The following UNC5C variants were observed in gnomAD, a reference collection of about 807,000 sequenced individuals.
UNC5C encodes the protein netrin receptor UNC5C.
UNC5C carries 47 observed loss-of-function variants against 99.8 expected under a neutral mutation model. The observed-to-expected ratio is 0.47, with a 90% CI of 0.37 to 0.60. The LOEUF (loss-of-function observed/expected upper bound fraction) is 0.60. Among genes scored for constraint, UNC5C ranks in the 20% least tolerant of loss-of-function variants. The probability of loss-of-function intolerance (pLI) is 0.00; values close to 1 mark genes in which losing one functional copy is unlikely to be tolerated. For missense variants in UNC5C, 1,062 were observed against 1,165.9 expected (o/e 0.91, Z 1.30); for synonymous variants, 487 against 452.2 (o/e 1.08, Z -0.98).
At chr4:95,487,500 A>G (rs1466773026) in intron 1 of UNC5C, among the ~76,000 whole-genome samples, 22 of 125,286 alleles carry the variant, frequency 1.8e-4, no homozygotes, top group African/African-American at 7.4e-4. Flanking sequence ...TAAAATCATC[A>G]ATCAAAATAA....
rs1016604244 is a variant in UNC5C, at chr4:95,548,800, G to C, written c.58C>G (p.Leu20Val). The change falls in exon 1 of 16, where the codon CTG becomes GTG. Residue 20 changes from leucine to valine, a missense_variant. By Grantham distance (32) the Leu-to-Val change is conservative (BLOSUM62 1). This residue lies in a region of UNC5C where 249 missense variants were observed against 295.1 expected (regional missense o/e 0.84). Coordinates refer to ENST00000453304, the MANE Select transcript of UNC5C (RefSeq NM_003728.4). ...ARCGLGLGYL[L>V]QMLVLPALAL... is the part of the protein sequence containing the mutation. ...AGGGCAGGTAGCACGAGCATTTGCA[G>C]CAAGTATCCCAGTCCCAGTCCGCAG... The C allele has an allele frequency of 6.2e-7, 1 of 1,613,424 alleles. No individual in the cohort carries two copies. Among genetic ancestry groups the C allele is most frequent in the African/African-American group, 1.3e-5 (1 of 74,872 alleles).
At chr4:95,193,779 C>T (rs1249658239) in intron 12 of UNC5C, among the ~76,000 whole-genome samples, 1 of 152,164 alleles carries the variant, frequency 6.6e-6, no homozygotes. Flanking sequence ...GCTGTCAGCC[C>T]CCCATGCTCT....
chr4:95,266,202 G>T (rs1740441411), intron 4 of UNC5C, among the ~76,000 whole-genome samples: 1 of 152,174 alleles, frequency 6.6e-6, no homozygotes, highest in Non-Finnish European at 1.5e-5. Context: ...TCCCAGTGAG[G>T]AAAGTGTCGT....
chr4:95,268,586 C>A (rs1223237007), intron 4 of UNC5C, among the ~76,000 whole-genome samples: 6 of 152,118 alleles, frequency 3.9e-5, no homozygotes, highest in African/African-American at 1.4e-4. Context: ...TAATAGAGAG[C>A]AAAACATCTT....
intron 4 of UNC5C, among the ~76,000 whole-genome samples, chr4:95,270,855 A>G (rs1189951406): frequency 4.6e-5 from 7 of 152,238 alleles, no homozygotes; most frequent in African/African-American, 1.7e-4. Context: ...ATCTGTAGCT[A>G]GTTCCTAACC....
chr4:95,331,054 A>G (rs1743091414), intron 2 of UNC5C, among the ~76,000 whole-genome samples: 1 of 152,126 alleles, frequency 6.6e-6, no homozygotes, highest in South Asian at 2.1e-4. Context: ...ACAAGTGAGA[A>G]TATGTGGCAT....
At chr4:95,261,486 A>C (rs1229802682) in intron 4 of UNC5C, among the ~76,000 whole-genome samples, 3 of 152,222 alleles carry the variant, frequency 2.0e-5, no homozygotes, top group Admixed American at 2.0e-4. Context: ...CTTCACATGT[A>C]AATGACCTGG....
chr4:95,353,841 T>C (rs934302832), intron 1 of UNC5C, among the ~76,000 whole-genome samples: 2 of 152,148 alleles, frequency 1.3e-5, no homozygotes, highest in African/African-American at 4.8e-5. Flanking sequence ...AAAACTCTAA[T>C]TTAAGATTTT....
chr4:95,526,862 T>C (rs1340151829), intron 1 of UNC5C, among the ~76,000 whole-genome samples: 1 of 151,894 alleles, frequency 6.6e-6, no homozygotes, highest in Non-Finnish European at 1.5e-5. Flanking sequence ...AAAGTAACAA[T>C]AAAAACACAA....
intron 3 of UNC5C, among the ~76,000 whole-genome samples, chr4:95,291,891 A>T (rs989797090): frequency 6.6e-6 from 1 of 152,216 alleles, no homozygotes; most frequent in East Asian, 1.9e-4. Flanking sequence ...TATACAAGGT[A>T]TCATACTACA....
chr4:95,243,058 C>T (rs1739383470), intron 6 of UNC5C, among the ~76,000 whole-genome samples: 1 of 152,182 alleles, frequency 6.6e-6, no homozygotes, highest in African/African-American at 2.4e-5. Context: ...TCCAACCTTC[C>T]ATTCATTCAT....
rs762268473 is a variant in UNC5C at position 95,218,934 on chromosome 4, G to C, written c.1645+35C>G. The C allele has an allele frequency of 2.0e-5, 30 of 1,534,504 alleles. 1 individual carries two copies. In the South Asian group the frequency reaches 2.9e-4, roughly 15 times the overall value. On this transcript the variant is annotated intron_variant, in intron 9 of 15. Transcript: ENST00000453304. ...TTTGGTATGGAAAAATATGTTTCAA[G>C]CTGCCTCTTTGCAATTTAAACCTCT...
At chr4:95,428,527 G>A (rs999147096) in intron 1 of UNC5C, among the ~76,000 whole-genome samples, 11 of 152,148 alleles carry the variant, frequency 7.2e-5, no homozygotes, top group Non-Finnish European at 1.5e-4. Context: ...GAGTGATAAT[G>A]TGGAGTGTAC....
At chr4:95,424,022 T>C (rs1170129174) in intron 1 of UNC5C, among the ~76,000 whole-genome samples, 1 of 152,122 alleles carries the variant, frequency 6.6e-6, no homozygotes, top group African/African-American at 2.4e-5. Flanking sequence ...ACAAACTAAA[T>C]TAAATATTAT....
chr4:95,404,184 G>A (rs1459609640), intron 1 of UNC5C, among the ~76,000 whole-genome samples: 3 of 152,034 alleles, frequency 2.0e-5, no homozygotes, highest in African/African-American at 7.3e-5. Context: ...CTTGGGGAGA[G>A]GTCCAGGTAT....
chr4:95,506,770 GATA>G (rs1302493170), intron 1 of UNC5C, among the ~76,000 whole-genome samples: 4 of 151,702 alleles, frequency 2.6e-5, no homozygotes, highest in South Asian at 2.1e-4. Flanking sequence ...ACAATATGGT[GATA>G]ATAATATATA....
chr4:95,463,302 C>G (rs1473892692), intron 1 of UNC5C, among the ~76,000 whole-genome samples: 4 of 152,128 alleles, frequency 2.6e-5, no homozygotes. Flanking sequence ...GGCTCTGCCG[C>G]TAAGAGGAAG....
At chr4:95,296,114 A>T (rs1741662535) in intron 3 of UNC5C, among the ~76,000 whole-genome samples, 1 of 151,986 alleles carries the variant, frequency 6.6e-6, no homozygotes, top group African/African-American at 2.4e-5. Flanking sequence ...AAAACTAAAA[A>T]CCCCACAAAC....
intron 1 of UNC5C, among the ~76,000 whole-genome samples, chr4:95,381,641 C>T (rs190698608): frequency 4.6e-5 from 7 of 151,712 alleles, no homozygotes; most frequent in Non-Finnish European, 8.8e-5. Context: ...CAAATTGTAC[C>T]ACTTAATTAT....
Sources: allele counts gnomAD v4.1 joint callset (sites outside exome capture counted in the v4.1 genomes callset), GRCh38; gene constraint gnomAD v4.1.1; regional missense constraint gnomAD v4.1.1; transcripts MANE v1.5; gene names NCBI Gene and HGNC (gene_info 2026-07-23, HGNC 2026-07-21).